ARHGAP6: variants seen among roughly 807,000 people sequenced by gnomAD.
The protein encoded by ARHGAP6 is rho GTPase-activating protein 6.
In ARHGAP6, 16 loss-of-function variants were observed where a neutral mutation model predicts 55.7. That is an observed-to-expected ratio of 0.29 (90% CI 0.19 to 0.44). ARHGAP6 has a LOEUF of 0.44. Among genes scored for constraint, ARHGAP6 ranks in the 20% least tolerant of loss-of-function variants. The probability of loss-of-function intolerance (pLI) is 1.00; values close to 1 mark genes in which losing one functional copy is unlikely to be tolerated. For synonymous variants in ARHGAP6, 382 were observed against 360.9 expected (o/e 1.06, Z -0.66); for missense variants, 698 against 808.9 (o/e 0.86, Z 1.66).
At chrX:11,184,819 C>T (rs1030605501) in intron 5 of ARHGAP6, among the ~76,000 whole-genome samples, 4 of 111,440 alleles carry the variant, frequency 3.6e-5, no homozygotes, top group East Asian at 5.6e-4. Flanking sequence ...TGTGATTATC[C>T]GGTTTTCAAG....
At position 11,343,046 on chromosome X, in the gene ARHGAP6, T is replaced by C. The variant is rs190832156; in HGVS notation, c.589-88339A>G. Among the ~76,000 whole-genome samples, 298 of 112,524 alleles carry C rather than the reference T, an allele frequency of 2.6e-3. 1 individual carries two copies. The highest frequency in any genetic ancestry group is 4.4e-3 in the Non-Finnish European group (237 of 53,263). ...CTTAAGGAGTTAAGGTTTTGTTATTTTATAGAGAGGCAATACACTTCAATA... is the reference window on the plus strand; with the variant it reads ...CTTAAGGAGTTAAGGTTTTGTTATTCTATAGAGAGGCAATACACTTCAATA... On this transcript the variant is annotated intron_variant, in intron 1 of 12. Coordinates refer to ENST00000337414, the MANE Select transcript of ARHGAP6 (RefSeq NM_013427.3).
intron 1 of ARHGAP6, among the ~76,000 whole-genome samples, chrX:11,399,535 A>G (rs1294014674): frequency 9.0e-6 from 1 of 111,294 alleles, no homozygotes; most frequent in African/African-American, 3.3e-5. Context: ...CAAAGAGGAT[A>G]TGGAGAAATC....
chrX:11,377,743 C>T (rs2049218118), intron 1 of ARHGAP6, among the ~76,000 whole-genome samples: 1 of 111,288 alleles, frequency 9.0e-6, no homozygotes, highest in South Asian at 3.9e-4. Flanking sequence ...TCAAATGAGG[C>T]TGAGGGTTTA....
At chrX:11,182,435 C>G (rs2046326175) in intron 5 of ARHGAP6, among the ~76,000 whole-genome samples, 1 of 111,364 alleles carries the variant, frequency 9.0e-6, no homozygotes, top group Non-Finnish European at 1.9e-5. Flanking sequence ...CCTAAACACA[C>G]ATTTTATAGG....
At chrX:11,151,847 G>T (rs1002152199) in intron 10 of ARHGAP6, among the ~76,000 whole-genome samples, 10 of 111,776 alleles carry the variant, frequency 8.9e-5, no homozygotes, top group African/African-American at 2.6e-4. Flanking sequence ...TGAACTGGTG[G>T]CAGAGAACAG....
intron 2 of ARHGAP6, among the ~76,000 whole-genome samples, chrX:11,211,262 C>T (rs749945937): frequency 8.4e-4 from 88 of 104,232 alleles, no homozygotes; most frequent in Non-Finnish European, 1.4e-3. Context: ...TCCTCTGTCG[C>T]CCAGGCTGGA....
At chrX:11,485,871 T>G (rs1052661798) in intron 1 of ARHGAP6, among the ~76,000 whole-genome samples, 1 of 111,829 alleles carries the variant, frequency 8.9e-6, no homozygotes, top group African/African-American at 3.3e-5. Context: ...TATGGGTGGG[T>G]GCCTTACTGC....
chrX:11,187,829 G>A (rs1486053024), intron 4 of ARHGAP6, among the ~76,000 whole-genome samples: 3 of 111,732 alleles, frequency 2.7e-5, no homozygotes, highest in Non-Finnish European at 3.8e-5. Flanking sequence ...GAAGGTTCAA[G>A]ACCAGTCTGG....
intron 1 of ARHGAP6, among the ~76,000 whole-genome samples, chrX:11,373,406 G>T (rs5935044): frequency 9.2e-6 from 1 of 108,133 alleles, no homozygotes; most frequent in Non-Finnish European, 1.9e-5. Flanking sequence ...AAGAGAGAGA[G>T]AAAAAAGCAA....
intron 1 of ARHGAP6, among the ~76,000 whole-genome samples, chrX:11,575,606 C>T (rs1196036238): frequency 8.9e-6 from 1 of 111,861 alleles, no homozygotes; most frequent in Non-Finnish European, 1.9e-5. Flanking sequence ...CACATGCCTT[C>T]AAAGCCAGCA....
rs2051811475 is a variant in ARHGAP6, at chrX:11,590,862, AAAAGAAGGAAAG to A, written c.588+73367_588+73378del. Among the ~76,000 whole-genome samples, 2 of 20,222 alleles carry A rather than the reference AAAAGAAGGAAAG, an allele frequency of 9.9e-5. 1 individual carries two copies. The highest frequency in any genetic ancestry group is 1.5e-4 in the Non-Finnish European group (2 of 13,498). The allele number at this position is 20,222 out of a possible 115,157, so 17.6% of individuals were successfully genotyped here. A position where few individuals can be genotyped will look rare whatever the true frequency, so the allele number is the denominator to read the frequency against. ...AAAAGAAAAGAAAAGAAAAGAAAAG[AAAAGAAGGAAAG>A]AAAGAAAGAAAGAAAGAAAGAAAGA... On this transcript the variant is annotated intron_variant, in intron 1 of 12. Coordinates refer to ENST00000337414, the MANE Select transcript of ARHGAP6 (RefSeq NM_013427.3).
At chrX:11,495,765 C>A (rs2050616081) in intron 1 of ARHGAP6, among the ~76,000 whole-genome samples, 1 of 112,357 alleles carries the variant, frequency 8.9e-6, no homozygotes, top group Non-Finnish European at 1.9e-5. Flanking sequence ...CAAATAGACT[C>A]CATAGCACCT....
At chrX:11,395,291 A>T (rs2049463042) in intron 1 of ARHGAP6, among the ~76,000 whole-genome samples, 1 of 111,988 alleles carries the variant, frequency 8.9e-6, no homozygotes, top group East Asian at 2.8e-4. Flanking sequence ...TATGAAGTAT[A>T]ATAATGGGAC....
chrX:11,155,575 C>T (rs1419979817), intron 10 of ARHGAP6, among the ~76,000 whole-genome samples: 3 of 111,885 alleles, frequency 2.7e-5, no homozygotes, highest in South Asian at 3.8e-4. Context: ...GCTGGGGTTA[C>T]AGGTACGGGA....
rs372487424 is a variant in ARHGAP6, at chrX:11,277,437, CA to C, written c.589-22731del. Among the ~76,000 whole-genome samples the C allele has an allele frequency of 3.1e-3, 329 of 106,294 alleles. 2 individuals carry two copies. Among genetic ancestry groups the C allele is most frequent in the South Asian group, 0.013 (31 of 2,307 alleles). 92.3% of individuals were successfully genotyped at this position (106,294 alleles called of 115,157 possible). ...CATATGGTAACTATGTAGCCAAAAA[CA>C]AAAAAAAAAAACGTAGACAACATGA... is the stretch of plus-strand genomic sequence containing the variant. On this transcript the variant is annotated intron_variant, in intron 1 of 12. Transcript: ENST00000337414.
Position 11,267,565 on chromosome X carries a change from T to C in ARHGAP6, c.589-12858A>G, listed in dbSNP as rs778665493. On this transcript the variant is annotated intron_variant, in intron 1 of 12. Coordinates refer to ENST00000337414, the MANE Select transcript of ARHGAP6 (RefSeq NM_013427.3). Reference sequence around the variant, plus strand: ...TAGGAGCCATGTTATAAGTATCTAATAAGGAAGAGACAGTGATGAAATAAG... The same window carrying C: ...TAGGAGCCATGTTATAAGTATCTAACAAGGAAGAGACAGTGATGAAATAAG... 1.2e-4 allele frequency among the ~76,000 whole-genome samples: 13 copies of C among 112,298 alleles called. No homozygotes were observed. The East Asian group carries it at 3.4e-3, about 29-fold the overall frequency.
chrX:11,380,761 T>C (rs750455094), intron 1 of ARHGAP6, among the ~76,000 whole-genome samples: 1 of 112,140 alleles, frequency 8.9e-6, no homozygotes, highest in East Asian at 2.8e-4. Flanking sequence ...CAAGTAATTC[T>C]CTGTTGTGGG....
intron 6 of ARHGAP6, 118 bp from the exon 7 acceptor site, chrX:11,179,570 A>G (rs891322542): frequency 1.3e-5 from 11 of 863,497 alleles, no homozygotes; most frequent in Admixed American, 3.6e-5. Flanking sequence ...AGACCCCAAG[A>G]AGGGGAAGCA....
chrX:11,149,786 C>A (rs1569231199), intron 10 of ARHGAP6, among the ~76,000 whole-genome samples: 1 of 111,483 alleles, frequency 9.0e-6, no homozygotes, highest in Non-Finnish European at 1.9e-5. Context: ...TAATGCTCCC[C>A]CAGAATGAAG....
Sources: allele counts gnomAD v4.1 joint callset (sites outside exome capture counted in the v4.1 genomes callset), GRCh38; gene constraint gnomAD v4.1.1; transcripts MANE v1.5; gene names NCBI Gene and HGNC (gene_info 2026-07-23, HGNC 2026-07-21).